The following ZNF644 variants were observed in gnomAD, a reference collection of about 807,000 sequenced individuals.
ZNF644 encodes the protein zinc finger motif enhancer binding protein 2.
ZNF644 carries 20 observed loss-of-function variants against 108.0 expected under a neutral mutation model. The observed-to-expected ratio is 0.19, with a 90% confidence interval of 0.13 to 0.27. The LOEUF (loss-of-function observed/expected upper bound fraction) is 0.27. Ranked by LOEUF, ZNF644 falls within the 10% of genes least tolerant of loss-of-function variation. The pLI, the probability that ZNF644 is intolerant of heterozygous loss-of-function variation, is 1.00. For synonymous variants in ZNF644, 542 were observed against 539.1 expected, an observed-to-expected ratio of 1.01 and a Z score of -0.08; for missense variants, 1,338 against 1,548.9, an observed-to-expected ratio of 0.86 and a Z score of 2.29.
rs562196853 is a variant in ZNF644, at chr1:90,977,822, C to T, written c.44+4488G>A. Reference sequence around the variant, plus strand: ...TACAGGCAAAAAATCCTGAGACTTACCTAAATATTAATAAGGTAACAGTTA... The same window carrying T: ...TACAGGCAAAAAATCCTGAGACTTATCTAAATATTAATAAGGTAACAGTTA... On this transcript the variant is annotated intron_variant, in intron 2 of 5. Transcript: ENST00000337393. Among the ~76,000 whole-genome samples, 5 of 152,094 alleles carry T rather than the reference C, an allele frequency of 3.3e-5. No homozygotes were observed. The South Asian group carries it at 1.0e-3, about 32-fold the overall frequency.
At chr1:90,967,104 CCCTG>C (rs1654983524) in intron 2 of ZNF644, among the ~76,000 whole-genome samples, 2 of 152,206 alleles carry the variant, frequency 1.3e-5, no homozygotes, top group African/African-American at 4.8e-5. Context: ...CTTTGCTGGG[CCCTG>C]CCTATCTCTC....
intron 2 of ZNF644, among the ~76,000 whole-genome samples, chr1:90,965,458 C>T (rs74099880): frequency 0.013 from 1,915 of 152,146 alleles, 38 homozygotes; most frequent in African/African-American, 0.044. Context: ...CTATAAAGAC[C>T]CTATATTTCC....
intron 4 of ZNF644, among the ~76,000 whole-genome samples, chr1:90,937,241 CT>C (rs1385188875): frequency 6.6e-6 from 1 of 151,848 alleles, no homozygotes; most frequent in Non-Finnish European, 1.5e-5. Context: ...TGGTTTTCTT[CT>C]GCTTTTGTTC....
intron 4 of ZNF644, among the ~76,000 whole-genome samples, chr1:90,927,632 G>A (rs1650200374): frequency 6.6e-6 from 1 of 151,142 alleles, no homozygotes; most frequent in Non-Finnish European, 1.5e-5. Flanking sequence ...TAAATGATAC[G>A]TTACTGTGCA....
intron 1 of ZNF644, among the ~76,000 whole-genome samples, chr1:90,996,448 T>C (rs928694221): frequency 3.3e-5 from 5 of 152,154 alleles, no homozygotes; most frequent in Non-Finnish European, 2.9e-5. Context: ...AGGCATCTTA[T>C]CTTGCCCTAT....
In ZNF644 at chr1:90,939,224, T is replaced by G; in HGVS notation, c.2130A>C (p.Thr710=). 1 of 1,614,046 alleles carries G rather than the reference T, an allele frequency of 6.2e-7. No individual in the cohort carries two copies. The highest frequency in any genetic ancestry group is 8.5e-7 in the Non-Finnish European group (1 of 1,179,934). The part of the protein sequence containing the change: ...NQNSSPHKNV[T]IKSSVDQKPK... ...GTTTTTGGTCAACGCTGCTTTTAAT[T>G]GTAACATTCTTATGAGGAGAGCTGT... Residue 710 remains threonine (T), a synonymous_variant, in exon 3 of 6, where the codon ACA becomes ACC. Transcript: ENST00000337393.
chr1:90,923,872 G>A (rs1333974291), intron 4 of ZNF644, among the ~76,000 whole-genome samples: 1 of 152,094 alleles, frequency 6.6e-6, no homozygotes, highest in Non-Finnish European at 1.5e-5. Flanking sequence ...CTACAAAGTA[G>A]GAAGTTAAAT....
intron 4 of ZNF644, among the ~76,000 whole-genome samples, chr1:90,936,359 A>C (rs1651317889): frequency 6.6e-6 from 1 of 152,128 alleles, no homozygotes; most frequent in Non-Finnish European, 1.5e-5. Flanking sequence ...CCTGCGTTTT[A>C]CCCTTCTGAA....
Position 90,937,567 on chromosome 1 carries a change from G to A in ZNF644, c.3606C>T (p.Phe1202=), listed in dbSNP as rs1472314723. ...TTAATGGAAGAACGCATTTCTGAAC[G>A]AATCTCTTTCTTGCTGTCTGATTAT... ...KIHNQTARKR[F]VQKCVLPLNE... Residue 1202 remains phenylalanine (F), a synonymous_variant, in exon 4 of 6, where the codon TTC becomes TTT. Coordinates refer to ENST00000337393, the MANE Select transcript of ZNF644 (RefSeq NM_201269.3). The A allele has an allele frequency of 3.1e-6, 5 of 1,613,806 alleles. No homozygotes were observed. The highest frequency in any genetic ancestry group is 1.1e-5 in the South Asian group (1 of 91,066).
intron 2 of ZNF644, among the ~76,000 whole-genome samples, chr1:90,978,017 TA>T (rs1309981639): frequency 6.6e-6 from 1 of 152,204 alleles, no homozygotes; most frequent in Non-Finnish European, 1.5e-5. Flanking sequence ...TATTTGCTCA[TA>T]AGGTCACATG....
At chr1:90,965,894 C>T (rs750783440) in intron 2 of ZNF644, among the ~76,000 whole-genome samples, 3 of 152,070 alleles carry the variant, frequency 2.0e-5, no homozygotes, top group Non-Finnish European at 2.9e-5. Context: ...GGATTACAGG[C>T]GCCAGCCACC....
chr1:90,971,504 T>C (rs1325743374), intron 2 of ZNF644, among the ~76,000 whole-genome samples: 2 of 152,032 alleles, frequency 1.3e-5, no homozygotes, highest in Non-Finnish European at 2.9e-5. Context: ...CACTGCAACC[T>C]CCACCACAGG....
Position 90,939,249 on chromosome 1 carries a change from T to C in ZNF644, c.2105A>G (p.Asn702Ser), listed in dbSNP as rs1651685263. 2 of 1,613,954 alleles carry C rather than the reference T, an allele frequency of 1.2e-6. 1 individual carries two copies. The highest frequency in any genetic ancestry group is 1.7e-6 in the Non-Finnish European group (2 of 1,179,956). Residue 702 changes from asparagine to serine, a missense_variant, in exon 3 of 6, where the codon AAC (asparagine) becomes AGC (serine). By Grantham distance (46) the Asn-to-Ser change is conservative. Coordinates refer to ENST00000337393, the MANE Select transcript of ZNF644 (RefSeq NM_201269.3). ...AQSGVNMCNQ[N>S]SSPHKNVTIK... ...TGTAACATTCTTATGAGGAGAGCTGTTTTGATTGCACATGTTTACACCTGA... is the reference window on the plus strand; with the variant it reads ...TGTAACATTCTTATGAGGAGAGCTGCTTTGATTGCACATGTTTACACCTGA...
chr1:90,930,669 A>T (rs899723917), intron 4 of ZNF644, among the ~76,000 whole-genome samples: 41 of 152,352 alleles, frequency 2.7e-4, no homozygotes, highest in African/African-American at 9.4e-4. Context: ...TAAAAAAGAA[A>T]ATATTAAAGT....
chr1:91,017,853 T>C (rs1483574818), intron 1 of ZNF644, among the ~76,000 whole-genome samples: 1 of 152,004 alleles, frequency 6.6e-6, no homozygotes, highest in Non-Finnish European at 1.5e-5. Flanking sequence ...TCCCAGCTAC[T>C]TGAGAGGCTG....
rs35761791 is a variant in ZNF644, at chr1:91,007,225, G to GTTT, written c.-18+14762_-18+14764dup. 1.1e-3 allele frequency among the ~76,000 whole-genome samples: 64 copies of GTTT among 55,996 alleles called. 12 individuals carry two copies. Among genetic ancestry groups the GTTT allele is most frequent in the African/African-American group, 4.6e-3 (60 of 13,134 alleles). 36.7% of individuals were successfully genotyped at this position (55,996 alleles called of 152,430 possible). A position where few individuals can be genotyped will look rare whatever the true frequency, so the allele number is the denominator to read the frequency against. ...AATTTCTTCCATTTTCTCCCATTTTGTTTTTTTTTTTTTTTTTTTTTTTTT... is the reference window on the plus strand; with the variant it reads ...AATTTCTTCCATTTTCTCCCATTTTGTTTTTTTTTTTTTTTTTTTTTTTTTTTT... On this transcript the variant is annotated intron_variant, in intron 1 of 5. Transcript: ENST00000337393.
At chr1:90,999,633 T>C (rs916275858) in intron 1 of ZNF644, among the ~76,000 whole-genome samples, 3 of 152,132 alleles carry the variant, frequency 2.0e-5, no homozygotes, top group Admixed American at 6.6e-5. Context: ...CATCAACTAA[T>C]GAGCAAAATA....
intron 4 of ZNF644, among the ~76,000 whole-genome samples, chr1:90,929,070 GCA>G (rs1281238717): frequency 6.6e-6 from 1 of 152,010 alleles, no homozygotes; most frequent in Non-Finnish European, 1.5e-5. Flanking sequence ...TTGTTCTCTT[GCA>G]TTTAAAAAGT....
rs770268969 is a variant in ZNF644 at position 90,940,421 on chromosome 1, A to G, written c.933T>C (p.Ser311=). 3.7e-6 allele frequency: 6 copies of G among 1,613,548 alleles called. No individual in the cohort carries two copies. Among genetic ancestry groups the G allele is most frequent in the Non-Finnish European group, 5.1e-6 (6 of 1,179,926 alleles). Reference sequence around the variant, plus strand: ...TTTTTGATTTATTGGGTACACAATTAGAATCACTAAAGCAATCCTCGGTAT... The same window carrying G: ...TTTTTGATTTATTGGGTACACAATTGGAATCACTAAAGCAATCCTCGGTAT... The part of the protein sequence containing the change: ...TRYTEDCFSD[S]NCVPNKSKMQ... Residue 311 remains serine (S), a synonymous_variant, in exon 3 of 6, where the codon TCT becomes TCC. Transcript: ENST00000337393.
Sources: gnomAD v4.1 joint callset for allele counts (sites outside exome capture counted in the v4.1 genomes callset) on GRCh38, gnomAD v4.1.1 for gene constraint, MANE v1.5 for transcripts, NCBI Gene and HGNC (gene_info 2026-07-23, HGNC 2026-07-21) for gene names.